RAC1: variants seen among roughly 807,000 people sequenced by gnomAD.
RAC1 encodes Rac family small GTPase 1.
RAC1 carries 2 observed loss-of-function variants against 25.2 expected under a neutral mutation model. The observed-to-expected ratio is 0.08, with a 90% CI of 0.03 to 0.25. The LOEUF (loss-of-function observed/expected upper bound fraction) is 0.25, where lower values mean the gene tolerates loss of function less well. Among genes scored for constraint, RAC1 ranks in the 10% least tolerant of loss-of-function variants. RAC1 has a pLI of 1.00. For missense variants in RAC1, 50 were observed against 235.7 expected (o/e 0.21, Z 5.16); for synonymous variants, 88 against 94.0 (o/e 0.94, Z 0.37).
At chr7:6,380,350 TC>T (rs1372445485) in intron 1 of RAC1, among the ~76,000 whole-genome samples, 2 of 149,728 alleles carry the variant, frequency 1.3e-5, no homozygotes, top group Non-Finnish European at 2.9e-5. Flanking sequence ...TGGTTTTTTT[TC>T]TTGATAAGCC....
Position 6,387,183 on chromosome 7 carries a change from T to G in RAC1, c.36-29T>G, listed in dbSNP as rs753955934. ...AAGCTAAGATTACATTCATGTTGAC[T>G]AAGCAACCTTTTTTCTCTTTCTCTT... On this transcript the variant is annotated intron_variant, in intron 1 of 5. Coordinates refer to ENST00000348035, the MANE Select transcript of RAC1 (RefSeq NM_006908.5). 4.1e-6 allele frequency: 6 copies of G among 1,449,388 alleles called. No homozygotes were observed. In the East Asian group the frequency reaches 1.4e-4, roughly 34 times the overall value. The allele number at this position is 1,449,388 out of a possible 1,614,324, so 89.8% of individuals were successfully genotyped here. A position where few individuals can be genotyped will look rare whatever the true frequency, so the allele number is the denominator to read the frequency against.
intron 3 of RAC1, among the ~76,000 whole-genome samples, chr7:6,399,035 CG>C (rs1169185027): frequency 6.6e-6 from 1 of 152,150 alleles, no homozygotes; most frequent in East Asian, 1.9e-4. Context: ...GGCTGTGAGC[CG>C]AGCCGGAGCA....
chr7:6,383,581 A>G (rs1418212922), intron 1 of RAC1, among the ~76,000 whole-genome samples: 1 of 152,060 alleles, frequency 6.6e-6, no homozygotes, highest in African/African-American at 2.4e-5. Flanking sequence ...TAAAGATGTC[A>G]TTCAGGAAAG....
chr7:6,384,464 C>T (rs1041354910), intron 1 of RAC1, among the ~76,000 whole-genome samples: 1 of 152,142 alleles, frequency 6.6e-6, no homozygotes, highest in African/African-American at 2.4e-5. Flanking sequence ...AACGTATTTC[C>T]CTATGCCACT....
At chr7:6,393,583 A>G (rs996311893) in intron 3 of RAC1, among the ~76,000 whole-genome samples, 4 of 152,200 alleles carry the variant, frequency 2.6e-5, no homozygotes, top group Non-Finnish European at 5.9e-5. Flanking sequence ...ACAAAGCTGT[A>G]GAGTGTGACG....
chr7:6,382,021 T>G (rs934236226), intron 1 of RAC1, among the ~76,000 whole-genome samples: 3 of 151,892 alleles, frequency 2.0e-5, no homozygotes, highest in African/African-American at 7.3e-5. Context: ...AGTCAGAGAG[T>G]CTCGCTCTGT....
chr7:6,402,599 CCATTTTTTGAACCAAT>C lies in RAC1; in HGVS notation c.*156_*171del, dbSNP rs1783447246. On this transcript the variant is annotated 3_prime_UTR_variant, in exon 6 of 6. Transcript: ENST00000348035. Reference sequence around the variant, plus strand: ...GTTACAGATTAATTTTTCCATAAAACCATTTTTTGAACCAATCAGTAATTTTAAGGTTTTGTTTGTT... The same window carrying C: ...GTTACAGATTAATTTTTCCATAAAACCAGTAATTTTAAGGTTTTGTTTGTT... 1.5e-6 allele frequency: 1 copy of C among 679,682 alleles called. No homozygotes were observed. The highest frequency in any genetic ancestry group is 1.9e-5 in the African/African-American group (1 of 52,342). 42.1% of individuals were successfully genotyped at this position (679,682 alleles called of 1,614,324 possible).
chr7:6,400,505 G>T (rs564313910), intron 4 of RAC1, among the ~76,000 whole-genome samples: 1 of 151,716 alleles, frequency 6.6e-6, no homozygotes, highest in African/African-American at 2.4e-5. Flanking sequence ...AATCTTAAAA[G>T]AATTTTTGTA....
intron 3 of RAC1, 160 bp from the exon 4 acceptor site, chr7:6,399,966 C>T (rs1455325108): frequency 3.1e-6 from 2 of 644,684 alleles, no homozygotes; most frequent in Non-Finnish European, 5.5e-6. Flanking sequence ...TTTGGGAGCC[C>T]TCTGACAAAC....
chr7:6,397,965 G>T (rs1014979706), intron 3 of RAC1, among the ~76,000 whole-genome samples: 9 of 152,346 alleles, frequency 5.9e-5, no homozygotes, highest in Middle Eastern at 3.4e-3. Context: ...CTCCAGCCTG[G>T]GCAACAGAGC....
chr7:6,388,759 T>TA (rs1469670755), intron 2 of RAC1, among the ~76,000 whole-genome samples: 1 of 152,208 alleles, frequency 6.6e-6, no homozygotes, highest in East Asian at 1.9e-4. Flanking sequence ...TTTGAAGTAC[T>TA]ATAACTGATT....
chr7:6,379,400 G>A lies in RAC1; in HGVS notation c.35+4630G>A, dbSNP rs190970003. The stretch of plus-strand genomic sequence containing the variant: ...AGCGATTCTCCTGCCTCAGCTTGTC[G>A]AGTAGGTGGGATTACAGTCACGCTC... On this transcript the variant is annotated intron_variant, in intron 1 of 5. Coordinates refer to ENST00000348035, the MANE Select transcript of RAC1 (RefSeq NM_006908.5). 2.9e-3 allele frequency among the ~76,000 whole-genome samples: 432 copies of A among 150,472 alleles called. 1 individual carries two copies. Among genetic ancestry groups the A allele is most frequent in the African/African-American group, 9.5e-3 (391 of 40,966 alleles).
In RAC1 at chr7:6,402,601, AT is replaced by A. The variant is rs1363467193; in HGVS notation, c.*161del. The A allele has an allele frequency of 4.6e-6, 3 of 654,580 alleles. No homozygotes were observed. Among genetic ancestry groups the A allele is most frequent in the Non-Finnish European group, 4.4e-6 (2 of 449,736 alleles). The allele number at this position is 654,580 out of a possible 1,614,324, so 40.5% of individuals were successfully genotyped here. On this transcript the variant is annotated 3_prime_UTR_variant, in exon 6 of 6. Transcript: ENST00000348035. ...TACAGATTAATTTTTCCATAAAACC[AT>A]TTTTTGAACCAATCAGTAATTTTAA...
At position 6,374,558 on chromosome 7, in the gene RAC1, T is replaced by A. The variant is rs1782521970; in HGVS notation, c.-178T>A. 4.9e-6 allele frequency: 1 copy of A among 204,178 alleles called. No individual in the cohort carries two copies. Among genetic ancestry groups the A allele is most frequent in the South Asian group, 1.6e-4 (1 of 6,084 alleles). 12.6% of individuals were successfully genotyped at this position (204,178 alleles called of 1,614,324 possible). A position where few individuals can be genotyped will look rare whatever the true frequency, so the allele number is the denominator to read the frequency against. Reference sequence around the variant, plus strand: ...CTCTGCAGTTTTCCTCAGCTTTGGGTGGTGGCCGCTGCCGGGCATCGGCTT... The same window carrying A: ...CTCTGCAGTTTTCCTCAGCTTTGGGAGGTGGCCGCTGCCGGGCATCGGCTT... On this transcript the variant is annotated 5_prime_UTR_variant, in exon 1 of 6. Transcript: ENST00000348035.
chr7:6,382,931 A>G (rs1782811648), intron 1 of RAC1, among the ~76,000 whole-genome samples: 1 of 152,196 alleles, frequency 6.6e-6, no homozygotes, highest in African/African-American at 2.4e-5. Context: ...ATTTGCTTTC[A>G]TTGTGGTTAT....
chr7:6,402,064 CT>C, intron 5 of RAC1, 37 bp downstream of exon 5: 6 of 1,595,546 alleles, frequency 3.8e-6, no homozygotes, highest in Non-Finnish European at 5.1e-6. Context: ...CCTTGTACCT[CT>C]TTTATTGTAG....
intron 1 of RAC1, among the ~76,000 whole-genome samples, chr7:6,380,972 G>A (rs1448153542): frequency 3.9e-5 from 6 of 151,918 alleles, no homozygotes; most frequent in Admixed American, 2.0e-4. Flanking sequence ...AGGTTCAGGC[G>A]ATTCTCCTGC....
At chr7:6,391,395 T>C (rs918842061) in intron 2 of RAC1, 10 of 153,628 alleles carry the variant, frequency 6.5e-5, no homozygotes, top group African/African-American at 1.9e-4. Context: ...TCACATGAAT[T>C]TAAACATTTG....
rs900974469 is a variant in RAC1, at chr7:6,403,474, C to T, written c.*1028C>T. On this transcript the variant is annotated 3_prime_UTR_variant, in exon 6 of 6. Transcript: ENST00000348035. The stretch of plus-strand genomic sequence containing the variant: ...GTATTATAAAATCTTTCTGATAATG[C>T]ATTAGAAGGTTTTTTTGTCGATTAG... 9.2e-6 allele frequency: 2 copies of T among 217,630 alleles called. No homozygotes were observed. The highest frequency in any genetic ancestry group is 4.5e-5 in the African/African-American group (2 of 44,504). The allele number at this position is 217,630 out of a possible 1,614,324, so 13.5% of individuals were successfully genotyped here.
Sources: allele counts gnomAD v4.1 joint callset (sites outside exome capture counted in the v4.1 genomes callset), GRCh38; gene constraint gnomAD v4.1.1; transcripts MANE v1.5; gene names NCBI Gene and HGNC (gene_info 2026-07-23, HGNC 2026-07-21).